Variants in KPNA3 observed in about 807,000 individuals in gnomAD.
KPNA3 encodes the protein importin subunit alpha-4.
A neutral mutation model predicts 73.8 loss-of-function variants in KPNA3; 13 were observed. That is an observed-to-expected ratio of 0.18 (90% CI 0.11 to 0.28). The LOEUF is 0.28. Among genes scored for constraint, KPNA3 ranks in the 10% least tolerant of loss-of-function variants. KPNA3 has a pLI of 1.00. For missense variants in KPNA3, 360 were observed against 618.1 expected (o/e 0.58, Z 4.43); for synonymous variants, 186 against 206.9 (o/e 0.90, Z 0.87).
At chr13:49,726,975 C>T (rs1954416001) in intron 6 of KPNA3, among the ~76,000 whole-genome samples, 1 of 151,408 alleles carries the variant, frequency 6.6e-6, no homozygotes, top group Non-Finnish European at 1.5e-5. Context: ...AAGGAAAGAC[C>T]TGTTAAAAGG....
intron 1 of KPNA3, among the ~76,000 whole-genome samples, chr13:49,766,897 TA>T (rs1954812075): frequency 6.6e-6 from 1 of 151,022 alleles, no homozygotes; most frequent in African/African-American, 2.4e-5. Context: ...AGAATTTTTT[TA>T]AAAAATTAAG....
chr13:49,754,992 G>A (rs895683071), intron 1 of KPNA3, among the ~76,000 whole-genome samples: 2 of 151,616 alleles, frequency 1.3e-5, no homozygotes, highest in Non-Finnish European at 2.9e-5. Context: ...AAAACAGATG[G>A]GTACACTTCT....
At position 49,701,656 on chromosome 13, in the gene KPNA3, ACTG is replaced by A; in HGVS notation, c.*141_*143del. ...AGTGACTTTTGGCAACTGCAAAGTG[ACTG>A]AGACATGGCTTGCTTTAGAAGCATC... is the stretch of plus-strand genomic sequence containing the variant. On this transcript the variant is annotated 3_prime_UTR_variant, in exon 17 of 17. Coordinates refer to ENST00000261667, the MANE Select transcript of KPNA3 (RefSeq NM_002267.4). The A allele has an allele frequency of 2.6e-6, 2 of 769,118 alleles. No homozygotes were observed. The highest frequency in any genetic ancestry group is 3.4e-5 in the African/African-American group (2 of 58,856). The allele number at this position is 769,118 out of a possible 1,614,324, so 47.6% of individuals were successfully genotyped here. A position where few individuals can be genotyped will look rare whatever the true frequency, so the allele number is the denominator to read the frequency against.
intron 15 of KPNA3, among the ~76,000 whole-genome samples, chr13:49,703,870 C>T (rs190664630): frequency 4.5e-4 from 68 of 152,152 alleles, no homozygotes; most frequent in African/African-American, 1.5e-3. Flanking sequence ...TGGGGGAAAT[C>T]GTTGCCAAAG....
rs540710791 is a variant in KPNA3 at position 49,772,708 on chromosome 13, CAGG to C, written c.69+19727_69+19729del. ...ATCCCAGCTACTCAGGAGGCTGAGG[CAGG>C]AGAATTGCTTGAACCCAAGAGGCAG... is the stretch of plus-strand genomic sequence containing the variant. On this transcript the variant is annotated intron_variant, in intron 1 of 16. Transcript: ENST00000261667. Among the ~76,000 whole-genome samples, 38 of 152,248 alleles carry C rather than the reference CAGG, an allele frequency of 2.5e-4. No individual in the cohort carries two copies. The East Asian group carries it at 7.3e-3, about 29-fold the overall frequency.
At chr13:49,761,941 A>G (rs1397585778) in intron 1 of KPNA3, among the ~76,000 whole-genome samples, 1 of 150,316 alleles carries the variant, frequency 6.7e-6, no homozygotes, top group East Asian at 2.0e-4. Flanking sequence ...CCGTCTGAGA[A>G]GTGAGGAGCC....
In KPNA3 at chr13:49,754,998, C is replaced by T. The variant is rs1206840874; in HGVS notation, c.70-8005G>A. On this transcript the variant is annotated intron_variant, in intron 1 of 16. Transcript: ENST00000261667. ...TCTCTACAAAAAACAGATGGGTACA[C>T]TTCTCAATTCACTTTATGAAGCTAA... 2.0e-5 allele frequency among the ~76,000 whole-genome samples: 3 copies of T among 151,834 alleles called. No homozygotes were observed. In the East Asian group the frequency reaches 5.8e-4, roughly 29 times the overall value.
Position 49,711,036 on chromosome 13 carries a change from A to C in KPNA3, c.772-14T>G. The C allele has an allele frequency of 6.3e-7, 1 of 1,596,458 alleles. No individual in the cohort carries two copies. The highest frequency in any genetic ancestry group is 2.2e-5 in the East Asian group (1 of 44,680). On this transcript the variant is annotated splice_polypyrimidine_tract_variant and intron_variant, in intron 10 of 16. Transcript: ENST00000261667. The stretch of plus-strand genomic sequence containing the variant: ...GTCTACAAGAATCTACAGGAAACAC[A>C]AAAGAAAAACCATTTTACATATTTG...
chr13:49,730,854 G>A (rs1362931056), intron 6 of KPNA3, among the ~76,000 whole-genome samples: 5 of 145,406 alleles, frequency 3.4e-5, no homozygotes, highest in East Asian at 2.1e-4. Context: ...TCGGCTCACC[G>A]CAACCTCCGC....
chr13:49,722,201 G>T, intron 8 of KPNA3, 77 bp from the exon 9 acceptor site: 3 of 969,698 alleles, frequency 3.1e-6, no homozygotes, highest in Non-Finnish European at 4.4e-6. Context: ...AATGGCTCAT[G>T]TGGGAACACT....
At chr13:49,792,249 G>A (rs1269015358) in intron 1 of KPNA3, among the ~76,000 whole-genome samples, 189 bp downstream of exon 1, 1 of 151,558 alleles carries the variant, frequency 6.6e-6, no homozygotes, top group Non-Finnish European at 1.5e-5. Context: ...CAGCTCCGGG[G>A]GGTGACTGCA....
At chr13:49,783,842 C>G (rs755427854) in intron 1 of KPNA3, among the ~76,000 whole-genome samples, 10 of 152,138 alleles carry the variant, frequency 6.6e-5, no homozygotes, top group Non-Finnish European at 1.3e-4. Flanking sequence ...CACCTGAACC[C>G]TACGATCATT....
In KPNA3 at chr13:49,747,681, G is replaced by C. The variant is rs543505311; in HGVS notation, c.70-688C>G. On this transcript the variant is annotated intron_variant, in intron 1 of 16. Transcript: ENST00000261667. Reference sequence around the variant, plus strand: ...AGCTTGAGTGACAGAGCGAGACTCTGTCTCAAAAAATAAATAAATAAGAAG... The same window carrying C: ...AGCTTGAGTGACAGAGCGAGACTCTCTCTCAAAAAATAAATAAATAAGAAG... Among the ~76,000 whole-genome samples, 4 of 152,276 alleles carry C rather than the reference G, an allele frequency of 2.6e-5. No homozygotes were observed. The South Asian group carries it at 8.3e-4, about 32-fold the overall frequency.
At chr13:49,742,455 G>T (rs770626482) in intron 2 of KPNA3, among the ~76,000 whole-genome samples, 16 of 151,500 alleles carry the variant, frequency 1.1e-4, no homozygotes, top group Non-Finnish European at 1.9e-4. Context: ...AAACTTTTCT[G>T]TTCCACTGTT....
intron 2 of KPNA3, among the ~76,000 whole-genome samples, chr13:49,741,629 A>G (rs1481057798): frequency 6.6e-6 from 1 of 151,804 alleles, no homozygotes; most frequent in African/African-American, 2.4e-5. Context: ...AATTTTTTGT[A>G]TTTTTGGTAG....
At chr13:49,721,893 G>T in intron 9 of KPNA3, 62 bp downstream of exon 9, 1 of 1,156,710 alleles carries the variant, frequency 8.6e-7, no homozygotes, top group Non-Finnish European at 1.2e-6. Context: ...CCCTGTATAT[G>T]AATTCCTGAA....
intron 12 of KPNA3, 82 bp downstream of exon 12, chr13:49,709,490 T>C (rs1954239689): frequency 3.5e-6 from 4 of 1,157,504 alleles, no homozygotes; most frequent in East Asian, 2.8e-5. Flanking sequence ...AAGAAAAACA[T>C]ACAAGTAGCA....
intron 1 of KPNA3, among the ~76,000 whole-genome samples, chr13:49,749,605 A>G (rs1954645466): frequency 1.3e-5 from 2 of 152,176 alleles, no homozygotes; most frequent in East Asian, 3.8e-4. Flanking sequence ...GTTTTCTTAC[A>G]AGGTGGTAAT....
At chr13:49,712,616 G>A (rs1954270009) in intron 10 of KPNA3, among the ~76,000 whole-genome samples, 1 of 151,728 alleles carries the variant, frequency 6.6e-6, no homozygotes, top group South Asian at 2.1e-4. Context: ...AAAATATGAA[G>A]AAATATGTTC....
Sources: allele counts gnomAD v4.1 joint callset (sites outside exome capture counted in the v4.1 genomes callset), GRCh38; gene constraint gnomAD v4.1.1; transcripts MANE v1.5; gene names NCBI Gene and HGNC (gene_info 2026-07-23, HGNC 2026-07-21).